GDF1: variants seen among roughly 807,000 people sequenced by gnomAD.
GDF1 encodes the protein growth differentiation factor 1.
A neutral mutation model predicts 7.4 loss-of-function variants in GDF1; 8 were observed. That is an observed-to-expected ratio of 1.09 (90% CI 0.64 to 1.96). The LOEUF is 1.96. Ranked by LOEUF, GDF1 falls within the 30% of genes most tolerant of loss-of-function variation. GDF1 has a pLI of 0.00. For missense variants in GDF1, 574 were observed against 551.5 expected (o/e 1.04, Z -0.41); for synonymous variants, 311 against 276.7 (o/e 1.12, Z -1.23).
Position 18,879,048 on chromosome 19 carries a change from G to A in GDF1, c.-422-9C>T, listed in dbSNP as rs1176895135. On this transcript the variant is annotated splice_polypyrimidine_tract_variant and intron_variant, in intron 5 of 7. Coordinates refer to ENST00000247005, the MANE Select transcript of GDF1 (RefSeq NM_001492.6). ...GCAAACGCCACGATGTACTGCGAGAGGGGAGGGGAGGTGCCAGTGAGAAGA... is the reference window on the plus strand; with the variant it reads ...GCAAACGCCACGATGTACTGCGAGAAGGGAGGGGAGGTGCCAGTGAGAAGA... 1 of 1,612,686 alleles carries A rather than the reference G, an allele frequency of 6.2e-7. No homozygotes were observed.
chr19:18,893,772 C>G (rs549655546), intron 1 of GDF1, among the ~76,000 whole-genome samples, 197 bp from the exon 2 acceptor site: 3 of 151,946 alleles, frequency 2.0e-5, no homozygotes, highest in African/African-American at 7.3e-5. Context: ...CCCAGCTGTC[C>G]GGCCGCCGCG....
Position 18,869,969 on chromosome 19 carries a change from A to G in GDF1, c.325+14T>C, listed in dbSNP as rs1366529130. 2 of 1,575,898 alleles carry G rather than the reference A, an allele frequency of 1.3e-6. No individual in the cohort carries two copies. Among genetic ancestry groups the G allele is most frequent in the Admixed American group, 1.8e-5 (1 of 55,286 alleles). On this transcript the variant is annotated intron_variant, in intron 7 of 7. Transcript: ENST00000247005. ...GCCTCCAGGACCAGTGTCCCCAGCG[A>G]AAGCCCCACTCACCGCGGTCCGGGA...
In GDF1 at chr19:18,870,168, T is replaced by C; in HGVS notation, c.140A>G (p.Asp47Gly). 1 of 1,561,916 alleles carries C rather than the reference T, an allele frequency of 6.4e-7. No individual in the cohort carries two copies. ...GAGCCTGGGGGCACCCTGGGGCTCA[T>C]CGCGCAGTCCTAGAGCCTGGAGCAG... is the stretch of plus-strand genomic sequence containing the variant. ...AALLQALGLR[D>G]EPQGAPRLRP... Residue 47 changes from aspartate (D) to glycine (G), a missense_variant, in exon 7 of 8, where the codon GAT (aspartate) becomes GGT (glycine). Physicochemically the swap from Asp to Gly is moderately conservative, Grantham distance 94. Coordinates refer to ENST00000247005, the MANE Select transcript of GDF1 (RefSeq NM_001492.6). The surrounding 1 kb of genome is among the most constrained non-coding windows in gnomAD (Gnocchi z 5.1).
At position 18,870,687 on chromosome 19, in the gene GDF1, T is replaced by C. The variant is rs1167568823; in HGVS notation, c.-312-68A>G. ...CGGCCGCCTGGCCCTCTTTCCCGCT[T>C]CTTCTCTGGCCGTTTCACACCCCCT... On this transcript the variant is annotated intron_variant, in intron 6 of 7. Coordinates refer to ENST00000247005, the MANE Select transcript of GDF1 (RefSeq NM_001492.6). This position sits in a 1 kb window ranked among gnomAD's most constrained non-coding sequence, Gnocchi z 5.1. The C allele has an allele frequency of 2.0e-6, 1 of 507,062 alleles. No individual in the cohort carries two copies. The highest frequency in any genetic ancestry group is 3.6e-6 in the Non-Finnish European group (1 of 279,958). The allele number at this position is 507,062 out of a possible 1,614,324, so 31.4% of individuals were successfully genotyped here. A position where few individuals can be genotyped will look rare whatever the true frequency, so the allele number is the denominator to read the frequency against.
chr19:18,878,297 C>T lies in GDF1; in HGVS notation c.-313+633G>A. ...CTCCGTTCATCCCTGGCCCAGACAC[C>T]CCCTGCCTGCCCCAGGCCTGGGGCT... is the stretch of plus-strand genomic sequence containing the variant. On this transcript the variant is annotated intron_variant, in intron 6 of 7. Coordinates refer to ENST00000247005, the MANE Select transcript of GDF1 (RefSeq NM_001492.6). This position sits in a 1 kb window ranked among gnomAD's most constrained non-coding sequence, Gnocchi z 4.6. 1.0e-6 allele frequency: 1 copy of T among 985,994 alleles called. No homozygotes were observed. Among genetic ancestry groups the T allele is most frequent in the Non-Finnish European group, 1.2e-6 (1 of 830,488 alleles). The allele number at this position is 985,994 out of a possible 1,614,324, so 61.1% of individuals were successfully genotyped here. A position where few individuals can be genotyped will look rare whatever the true frequency, so the allele number is the denominator to read the frequency against.
intron 5 of GDF1, 59 bp downstream of exon 5, chr19:18,879,182 G>A (rs2056129300): frequency 1.2e-6 from 2 of 1,608,128 alleles, no homozygotes; most frequent in East Asian, 2.2e-5. Flanking sequence ...CTGAGGAGGG[G>A]ACAGGGATTG....
In GDF1 at chr19:18,893,524, C is replaced by T. The variant is rs772416654; in HGVS notation, c.-1022G>A. On this transcript the variant is annotated 5_prime_UTR_variant, in exon 2 of 8. Transcript: ENST00000247005. ...TAGAAGAGAAACTTCCAAGCGCTCT[C>T]GGGCATCTTGGCGGCATCTCTGGGC... 8 of 1,610,874 alleles carry T rather than the reference C, an allele frequency of 5.0e-6. No individual in the cohort carries two copies. The highest frequency in any genetic ancestry group is 1.1e-5 in the South Asian group (1 of 90,392).
intron 1 of GDF1, among the ~76,000 whole-genome samples, chr19:18,894,247 G>A (rs1208520896): frequency 6.6e-6 from 1 of 150,416 alleles, no homozygotes; most frequent in African/African-American, 2.4e-5. Context: ...GGGGAGTGCG[G>A]TGGGTGGGTG....
At chr19:18,889,454 T>C (rs1176553000) in intron 2 of GDF1, among the ~76,000 whole-genome samples, 1 of 152,058 alleles carries the variant, frequency 6.6e-6, no homozygotes, top group East Asian at 1.9e-4. Context: ...CCTCACTCTG[T>C]CAACCTGGCT....
intron 2 of GDF1, among the ~76,000 whole-genome samples, chr19:18,891,454 C>T (rs1159559431): frequency 6.6e-6 from 1 of 152,210 alleles, no homozygotes; most frequent in African/African-American, 2.4e-5. Flanking sequence ...CGGCCCTGCC[C>T]TGCATTCTCT....
intron 7 of GDF1, 89 bp downstream of exon 7, chr19:18,869,894 G>C: frequency 7.6e-7 from 1 of 1,317,344 alleles, no homozygotes. Context: ...GACCCTCGGA[G>C]CTGCTCGGGC....
In GDF1 at chr19:18,877,689, C is replaced by T. The variant is rs4808163; in HGVS notation, c.-313+1241G>A. Among the ~76,000 whole-genome samples the T allele has an allele frequency of 2.7e-5, 4 of 150,030 alleles. No individual in the cohort carries two copies. In the East Asian group the frequency reaches 8.0e-4, roughly 30 times the overall value. ...ATCACTTCCTGGGCCTGGGAGGCGGCGGTTGCAGCGAGCCGAGATCGTGCC... is the reference window on the plus strand; with the variant it reads ...ATCACTTCCTGGGCCTGGGAGGCGGTGGTTGCAGCGAGCCGAGATCGTGCC... On this transcript the variant is annotated intron_variant, in intron 6 of 7. Transcript: ENST00000247005.
chr19:18,870,000 C>G lies in GDF1; in HGVS notation c.308G>C (p.Arg103Pro). The change falls in exon 7 of 8, where the codon CGC becomes CCC. Residue 103 changes from arginine to proline, a missense_variant. Physicochemically the swap from Arg to Pro is moderately radical, Grantham distance 103. Transcript: ENST00000247005. ...EELGVAGNIVRHIPDRGAPTR... is the reference protein window; with the variant it reads ...EELGVAGNIVPHIPDRGAPTR... ...CCACTCACCGCGGTCCGGGATGTGGCGCACGATGTTTCCGGCGACCCCCAG... is the reference window on the plus strand; with the variant it reads ...CCACTCACCGCGGTCCGGGATGTGGGGCACGATGTTTCCGGCGACCCCCAG... The G allele has an allele frequency of 6.3e-7, 1 of 1,595,504 alleles. No homozygotes were observed. Among genetic ancestry groups the G allele is most frequent in the Non-Finnish European group, 8.5e-7 (1 of 1,172,662 alleles).
At chr19:18,891,391 C>A (rs1203480332) in intron 2 of GDF1, among the ~76,000 whole-genome samples, 1 of 152,184 alleles carries the variant, frequency 6.6e-6, no homozygotes, top group East Asian at 1.9e-4. Flanking sequence ...CCGCAGCCCC[C>A]ACTGCCCCAT....
Position 18,868,641 on chromosome 19 carries a change from G to A in GDF1, c.1075C>T (p.Arg359Trp), listed in dbSNP as rs1324719289. The A allele has an allele frequency of 1.3e-6, 2 of 1,574,486 alleles. No homozygotes were observed. The highest frequency in any genetic ancestry group is 4.7e-5 in the East Asian group (2 of 42,914). Residue 359 changes from arginine (R) to tryptophan (W), a missense_variant, in exon 8 of 8, where the codon CGG becomes TGG. Physicochemically the swap from Arg to Trp is moderately radical, Grantham distance 101. Coordinates refer to ENST00000247005, the MANE Select transcript of GDF1 (RefSeq NM_001492.6). ...TCCACCACCATGTCCTCATACTGCC[G>A]CAGCACCACGTTGTCGCTGTTGTCA... ...FFDNSDNVVL[R>W]QYEDMVVDEC...
At position 18,869,242 on chromosome 19, in the gene GDF1, G is replaced by GGCTGCCGCC. The variant is rs1455801094; in HGVS notation, c.465_473dup (p.Ala156_Ala158dup). ...CGCTCAGCTCCCAGCCGCCCTCCGG[G>GGCTGCCGCC]GCTGCCGCCGCCGCCGCCGCGAAAC... On this transcript the variant is annotated inframe_insertion, in exon 8 of 8. Transcript: ENST00000247005. The GGCTGCCGCC allele has an allele frequency of 7.0e-6, 10 of 1,420,244 alleles. No individual in the cohort carries two copies. In the East Asian group the frequency reaches 2.7e-4, roughly 39 times the overall value. The allele number at this position is 1,420,244 out of a possible 1,614,324, so 88.0% of individuals were successfully genotyped here.
In GDF1 at chr19:18,869,267, C is replaced by T; in HGVS notation, c.449G>A (p.Arg150His). The T allele has an allele frequency of 6.8e-7, 1 of 1,473,326 alleles. No individual in the cohort carries two copies. The highest frequency in any genetic ancestry group is 8.9e-7 in the Non-Finnish European group (1 of 1,122,662). The allele number at this position is 1,473,326 out of a possible 1,614,324, so 91.3% of individuals were successfully genotyped here. A position where few individuals can be genotyped will look rare whatever the true frequency, so the allele number is the denominator to read the frequency against. Residue 150 changes from arginine (R) to histidine (H), a missense_variant, in exon 8 of 8, where the codon CGT becomes CAT. By Grantham distance (29) the Arg-to-His change is conservative. Transcript: ENST00000247005. ...ERPSRARLEL[R>H]FAAAAAAAPE... is the part of the protein sequence containing the mutation. ...GGCTGCCGCCGCCGCCGCCGCGAAACGCAGCTCCAGGCGGGCCCGGCTCGG... is the reference window on the plus strand; with the variant it reads ...GGCTGCCGCCGCCGCCGCCGCGAAATGCAGCTCCAGGCGGGCCCGGCTCGG...
intron 2 of GDF1, among the ~76,000 whole-genome samples, chr19:18,885,798 C>T (rs1277882920): frequency 2.0e-5 from 3 of 151,988 alleles, no homozygotes; most frequent in Non-Finnish European, 2.9e-5. Flanking sequence ...GGATTACGGG[C>T]GTGAGCCGCT....
intron 2 of GDF1, among the ~76,000 whole-genome samples, chr19:18,887,764 T>G (rs1173187749): frequency 1.3e-5 from 2 of 150,242 alleles, no homozygotes; most frequent in African/African-American, 4.9e-5. Flanking sequence ...AAAAAAAAAT[T>G]GTGTTAAGAT....
Sources: allele counts gnomAD v4.1 joint callset (sites outside exome capture counted in the v4.1 genomes callset), GRCh38; gene constraint gnomAD v4.1.1; non-coding constraint Gnocchi (gnomAD v3.1); transcripts MANE v1.5; gene names NCBI Gene and HGNC (gene_info 2026-07-23, HGNC 2026-07-21).